Variants in SNX2 observed in about 807,000 individuals in gnomAD.
SNX2 encodes sorting nexin 2, also known as sorting nexin-2.
SNX2 carries 25 observed loss-of-function variants against 69.9 expected under a neutral mutation model. The ratio of observed to expected loss-of-function variants is 0.36; its 90% confidence interval spans 0.26 to 0.50. The LOEUF is 0.50. SNX2 is among the 20% of genes least tolerant of loss of function. The probability of loss-of-function intolerance (pLI) is 0.97; values close to 1 mark genes in which losing one functional copy is unlikely to be tolerated. For missense variants in SNX2, 551 were observed against 613.3 expected, an observed-to-expected ratio of 0.90 and a Z score of 1.07; for synonymous variants, 229 against 200.4, an observed-to-expected ratio of 1.14 and a Z score of -1.20.
In SNX2 at chr5:122,815,910, C is replaced by T; in HGVS notation, c.737C>T (p.Thr246Ile). The change falls in exon 8 of 15, where the codon ACA (threonine) becomes ATA (isoleucine). Residue 246 changes from threonine (T) to isoleucine (I), a missense_variant. Thr to Ile is a moderately conservative substitution (Grantham distance 89, BLOSUM62 -1). Transcript: ENST00000379516. ...CTTAAATCTAGGTATCTTCAAAGAA[C>T]AGTAAAACATCCAACTTTACTACAG... ...RAALERYLQR[T>I]VKHPTLLQDP... 6.3e-7 allele frequency: 1 copy of T among 1,599,248 alleles called. No individual in the cohort carries two copies.
chr5:122,806,142 G>GCGCACGCGCACGCACACACACACACA, intron 6 of SNX2, among the ~76,000 whole-genome samples: 1 of 130,584 alleles, frequency 7.7e-6, no homozygotes, highest in African/African-American at 2.9e-5. Flanking sequence ...ACACGCGCGC[G>GCGCACGCGCACGCACACACACACACA]CACACACACA....
intron 1 of SNX2, among the ~76,000 whole-genome samples, chr5:122,781,470 G>A (rs1160363525): frequency 1.3e-5 from 2 of 152,196 alleles, no homozygotes; most frequent in Middle Eastern, 3.2e-3. Context: ...ATATAAACAT[G>A]TATTTACAGG....
chr5:122,788,843 C>T (rs1390037421), intron 1 of SNX2, among the ~76,000 whole-genome samples: 1 of 152,148 alleles, frequency 6.6e-6, no homozygotes, highest in Non-Finnish European at 1.5e-5. Context: ...ACCTTTACTT[C>T]ATACAACATA....
chr5:122,816,004 A>G, intron 8 of SNX2, 33 bp downstream of exon 8: 1 of 1,206,598 alleles, frequency 8.3e-7, no homozygotes, highest in Non-Finnish European at 1.2e-6. Flanking sequence ...TTGTATATGA[A>G]TGTTCTCGTT....
Position 122,816,994 on chromosome 5 carries a change from A to G in SNX2, c.878A>G (p.Asn293Ser), listed in dbSNP as rs1362704067. The change falls in exon 9 of 15, where the codon AAC (asparagine) becomes AGC (serine). Residue 293 changes from asparagine to serine, a missense_variant. Physicochemically the swap from Asn to Ser is conservative, Grantham distance 46 (BLOSUM62 1). Coordinates refer to ENST00000379516, the MANE Select transcript of SNX2 (RefSeq NM_003100.4). The stretch of plus-strand genomic sequence containing the variant: ...GTGAACAAGGCTGCCGACGCTGTCA[A>G]CAAAATGACAATCAAGATGAATGAA... ...RMVNKAADAV[N>S]KMTIKMNESD... 2.5e-6 allele frequency: 4 copies of G among 1,612,390 alleles called. No homozygotes were observed. Among genetic ancestry groups the G allele is most frequent in the Non-Finnish European group, 3.4e-6 (4 of 1,179,246 alleles).
At chr5:122,780,450 A>C (rs187866962) in intron 1 of SNX2, among the ~76,000 whole-genome samples, 8 of 152,318 alleles carry the variant, frequency 5.3e-5, no homozygotes, top group Admixed American at 3.3e-4. Flanking sequence ...GAGAATTATC[A>C]AGAGAAAGTA....
chr5:122,813,252 T>C (rs953659824), intron 7 of SNX2, among the ~76,000 whole-genome samples: 1 of 152,176 alleles, frequency 6.6e-6, no homozygotes, highest in African/African-American at 2.4e-5. Flanking sequence ...ATTTTATGTT[T>C]CTGTTCTTAA....
Position 122,830,707 on chromosome 5 carries a change from C to G in SNX2, c.*1059C>G, listed in dbSNP as rs1450858661. The stretch of plus-strand genomic sequence containing the variant: ...GACAGCTGTTATCTAATCCTTAATG[C>G]TGATGAAAATTTAAGTCATGGCTGG... On this transcript the variant is annotated 3_prime_UTR_variant, in exon 15 of 15. Transcript: ENST00000379516. 6.6e-6 allele frequency among the ~76,000 whole-genome samples: 1 copy of G among 152,186 alleles called. No individual in the cohort carries two copies. Among genetic ancestry groups the G allele is most frequent in the East Asian group, 1.9e-4 (1 of 5,180 alleles).
chr5:122,789,669 A>T (rs1290666248), intron 1 of SNX2, among the ~76,000 whole-genome samples: 1 of 152,176 alleles, frequency 6.6e-6, no homozygotes, highest in East Asian at 1.9e-4. Flanking sequence ...TCCTTAGCTC[A>T]TATGACCCCT....
intron 5 of SNX2, among the ~76,000 whole-genome samples, chr5:122,803,104 G>A (rs1015184387): frequency 5.3e-5 from 8 of 152,178 alleles, no homozygotes; most frequent in African/African-American, 1.9e-4. Context: ...TGTTCCAGCA[G>A]GGGGAAATAG....
At position 122,775,116 on chromosome 5, in the gene SNX2, A is replaced by G. The variant is rs748246176; in HGVS notation, c.13A>G (p.Arg5Gly). 32 of 1,590,126 alleles carry G rather than the reference A, an allele frequency of 2.0e-5. 1 individual carries two copies. The South Asian group carries it at 3.5e-4, about 17-fold the overall frequency. Residue 5 changes from arginine to glycine, a missense_variant, in exon 1 of 15, where the codon AGG becomes GGG. Transcript: ENST00000379516. Reference protein sequence around the residue: MAAEREPPPLGDGKP... With the variant: MAAEGEPPPLGDGKP... Reference sequence around the variant, plus strand: ...CGGGTGAGCGAAGATGGCGGCCGAGAGGGAACCTCCTCCGCTGGGGGACGG... The same window carrying G: ...CGGGTGAGCGAAGATGGCGGCCGAGGGGGAACCTCCTCCGCTGGGGGACGG...
chr5:122,821,066 G>A (rs1722273991), intron 11 of SNX2, among the ~76,000 whole-genome samples: 1 of 152,112 alleles, frequency 6.6e-6, no homozygotes, highest in Admixed American at 6.6e-5. Flanking sequence ...CTACACAAAG[G>A]AATTAAGATA....
chr5:122,786,511 G>A (rs1231307076), intron 1 of SNX2, among the ~76,000 whole-genome samples: 1 of 151,610 alleles, frequency 6.6e-6, no homozygotes, highest in Non-Finnish European at 1.5e-5. Flanking sequence ...TTTAGTGGTT[G>A]CTCTGCAGCT....
intron 1 of SNX2, among the ~76,000 whole-genome samples, chr5:122,779,198 A>G (rs886321124): frequency 6.6e-6 from 1 of 152,166 alleles, no homozygotes; most frequent in African/African-American, 2.4e-5. Flanking sequence ...CCCATTTAGT[A>G]TGTACAATTT....
At chr5:122,791,708 C>A (rs571538724) in intron 1 of SNX2, among the ~76,000 whole-genome samples, 1 of 152,236 alleles carries the variant, frequency 6.6e-6, no homozygotes, top group African/African-American at 2.4e-5. Flanking sequence ...TAAGCCACCG[C>A]GCCTGGCCCT....
intron 1 of SNX2, among the ~76,000 whole-genome samples, chr5:122,787,653 C>G (rs1404608005): frequency 1.3e-5 from 2 of 152,294 alleles, no homozygotes; most frequent in Non-Finnish European, 2.9e-5. Context: ...ATGACTGCTC[C>G]CCAGCAGCCT....
chr5:122,775,730 A>G, intron 1 of SNX2: 2 of 985,668 alleles, frequency 2.0e-6, no homozygotes, highest in Non-Finnish European at 2.4e-6. Context: ...GTTCCTCTTG[A>G]GGGAGCTGCT....
chr5:122,783,117 T>TA (rs947501593), intron 1 of SNX2, among the ~76,000 whole-genome samples: 4 of 145,044 alleles, frequency 2.8e-5, no homozygotes, highest in African/African-American at 5.0e-5. Flanking sequence ...TTTTTTTTTT[T>TA]TGTATTTTTA....
intron 1 of SNX2, among the ~76,000 whole-genome samples, chr5:122,785,757 T>C (rs567233027): frequency 3.8e-4 from 58 of 152,292 alleles, no homozygotes; most frequent in Middle Eastern, 6.8e-3. Context: ...ATGCTTTCCA[T>C]TTTTTTAATT....
Sources: gnomAD v4.1 joint callset for allele counts (sites outside exome capture counted in the v4.1 genomes callset) on GRCh38, gnomAD v4.1.1 for gene constraint, MANE v1.5 for transcripts, NCBI Gene and HGNC (gene_info 2026-07-23, HGNC 2026-07-21) for gene names.